Variants in TANC2 observed in about 807,000 individuals in gnomAD.
TANC2 encodes the protein protein TANC2.
TANC2 carries 26 observed loss-of-function variants against 210.5 expected under a neutral mutation model. The ratio of observed to expected loss-of-function variants is 0.12; its 90% CI spans 0.09 to 0.17. The LOEUF is 0.17. Among genes scored for constraint, TANC2 ranks in the 10% least tolerant of loss-of-function variants. The pLI, the probability that TANC2 is intolerant of heterozygous loss-of-function variation, is 1.00. For missense variants in TANC2, 2,129 were observed against 2,608.9 expected, an observed-to-expected ratio of 0.82 and a Z score of 4.01; for synonymous variants, 931 against 967.1, an observed-to-expected ratio of 0.96 and a Z score of 0.69.
At chr17:63,105,188 T>A (rs1666487416) in intron 4 of TANC2, among the ~76,000 whole-genome samples, 2 of 151,838 alleles carry the variant, frequency 1.3e-5, no homozygotes, top group Admixed American at 1.3e-4. Flanking sequence ...AATAGATTAT[T>A]ATCTAATCTC....
At chr17:63,067,658 G>T (rs2036250444) in intron 2 of TANC2, among the ~76,000 whole-genome samples, 1 of 151,944 alleles carries the variant, frequency 6.6e-6, no homozygotes. Flanking sequence ...TAAATATAAA[G>T]ACCCAAACAA....
At chr17:63,175,527 C>CG (rs2040546317) in intron 5 of TANC2, among the ~76,000 whole-genome samples, 1 of 84,838 alleles carries the variant, frequency 1.2e-5, no homozygotes, top group African/African-American at 8.3e-5. Context: ...ACCCTGTCTC[C>CG]CCCGCCAAAA....
intron 5 of TANC2, among the ~76,000 whole-genome samples, chr17:63,158,690 TG>T (rs1163026898): frequency 1.3e-5 from 2 of 152,238 alleles, no homozygotes; most frequent in African/African-American, 4.8e-5. Context: ...AGTAGGTATT[TG>T]TATTAGTTAT....
intron 12 of TANC2, among the ~76,000 whole-genome samples, chr17:63,341,395 C>G (rs1346610612): frequency 1.3e-5 from 2 of 152,232 alleles, no homozygotes; most frequent in African/African-American, 2.4e-5. Flanking sequence ...TCATGTTTCT[C>G]ACACCCACTT....
At chr17:63,005,289 G>GGAGCATAAA in intron 1 of TANC2, 1 of 152,066 alleles carries the variant, frequency 6.6e-6, no homozygotes, top group Non-Finnish European at 1.5e-5. Flanking sequence ...GTTCTATTCT[G>GGAGCATAAA]TTGATCTACT....
intron 14 of TANC2, among the ~76,000 whole-genome samples, chr17:63,359,593 C>G (rs2046896928): frequency 6.6e-6 from 1 of 152,054 alleles, no homozygotes; most frequent in African/African-American, 2.4e-5. Flanking sequence ...GGTGGTCTGC[C>G]CACCTCAGCC....
chr17:63,309,472 T>C (rs2045043096), intron 9 of TANC2, among the ~76,000 whole-genome samples: 3 of 151,940 alleles, frequency 2.0e-5, no homozygotes, highest in South Asian at 4.1e-4. Flanking sequence ...AAATGTTTGC[T>C]TTCTAAATTG....
In TANC2 at chr17:63,379,990, A is replaced by G. The variant is rs543269321; in HGVS notation, c.2691+164A>G. Among the ~76,000 whole-genome samples, 3 of 152,330 alleles carry G rather than the reference A, an allele frequency of 2.0e-5. No homozygotes were observed. The East Asian group carries it at 5.8e-4, about 29-fold the overall frequency. ...GCCTGTTCCTCCCTAGGCCTTTAGA[A>G]CTACATTGTACATCTCCCAGTGTAA... On this transcript the variant is annotated intron_variant, in intron 15 of 27. Coordinates refer to ENST00000689528, the Ensembl canonical transcript of TANC2.
At chr17:63,022,215 G>A (rs747136934) in intron 2 of TANC2, among the ~76,000 whole-genome samples, 7 of 151,746 alleles carry the variant, frequency 4.6e-5, no homozygotes, top group Admixed American at 1.3e-4. Context: ...GGTGGTGGGC[G>A]CCTGTAATCC....
intron 14 of TANC2, among the ~76,000 whole-genome samples, chr17:63,361,312 A>G (rs2046951278): frequency 6.6e-6 from 1 of 152,120 alleles, no homozygotes; most frequent in Non-Finnish European, 1.5e-5. Flanking sequence ...AGCAGGCTGC[A>G]CTCAGCTCGT....
At chr17:63,161,010 G>C (rs545020634) in intron 5 of TANC2, among the ~76,000 whole-genome samples, 49 of 152,320 alleles carry the variant, frequency 3.2e-4, no homozygotes, top group Non-Finnish European at 6.5e-4. Context: ...TATTATGACT[G>C]AAAAGGATGT....
intron 7 of TANC2, among the ~76,000 whole-genome samples, chr17:63,222,257 G>A (rs931726548): frequency 1.3e-5 from 2 of 152,112 alleles, no homozygotes; most frequent in Non-Finnish European, 2.9e-5. Context: ...CCATCACCTT[G>A]GGGGTTAGAA....
rs138068080 is a variant in TANC2 at position 63,177,875 on chromosome 17, G to A, written c.434-16116G>A. On this transcript the variant is annotated intron_variant, in intron 5 of 27. Coordinates refer to ENST00000689528, the Ensembl canonical transcript of TANC2. The stretch of plus-strand genomic sequence containing the variant: ...AAGTCACTTGGACAAATCCAAAAAA[G>A]TTTTATTGTGGGAAGTATAAATAAA... Among the ~76,000 whole-genome samples the A allele has an allele frequency of 1.0e-3, 154 of 152,282 alleles. 1 individual carries two copies. The highest frequency in any genetic ancestry group is 3.4e-3 in the Middle Eastern group (1 of 294).
chr17:63,142,411 A>G (rs551148679), intron 4 of TANC2, among the ~76,000 whole-genome samples: 1 of 152,260 alleles, frequency 6.6e-6, no homozygotes, highest in African/African-American at 2.4e-5. Flanking sequence ...ATGCCCTTAT[A>G]GTCCTTTACG....
intron 1 of TANC2, among the ~76,000 whole-genome samples, chr17:62,991,314 TG>T (rs1037211648): frequency 2.0e-4 from 31 of 152,236 alleles, no homozygotes; most frequent in African/African-American, 7.2e-4. Context: ...GTGGGTTCTG[TG>T]TCTGCCAGCC....
chr17:62,980,802 G>A (rs2032260339), intron 1 of TANC2, among the ~76,000 whole-genome samples: 1 of 152,188 alleles, frequency 6.6e-6, no homozygotes, highest in South Asian at 2.1e-4. Flanking sequence ...GTACCCAAGA[G>A]TCTTAATTCT....
At chr17:63,310,228 C>G (rs958714216) in intron 9 of TANC2, among the ~76,000 whole-genome samples, 1 of 152,172 alleles carries the variant, frequency 6.6e-6, no homozygotes, top group Non-Finnish European at 1.5e-5. Context: ...AGGTGGATCA[C>G]TTAAGGTCAG....
chr17:63,212,477 A>G (rs1012645888), intron 7 of TANC2, among the ~76,000 whole-genome samples: 2 of 152,218 alleles, frequency 1.3e-5, no homozygotes, highest in African/African-American at 2.4e-5. Context: ...TGGAAAGACA[A>G]GTGAGCCATG....
At chr17:62,967,685 T>G (rs549814782) in intron 1 of TANC2, 1 of 152,266 alleles carries the variant, frequency 6.6e-6, no homozygotes, top group South Asian at 2.1e-4. Flanking sequence ...ATATCTGTAA[T>G]GAGGAAAACA....
Sources: gnomAD v4.1 joint callset for allele counts (sites outside exome capture counted in the v4.1 genomes callset) on GRCh38, gnomAD v4.1.1 for gene constraint, MANE v1.5 for transcripts, NCBI Gene and HGNC (gene_info 2026-07-23, HGNC 2026-07-21) for gene names.